FBXL7: variants seen among roughly 807,000 people sequenced by gnomAD.
FBXL7 encodes the protein F-box/LRR-repeat protein 7.
A neutral mutation model predicts 38.3 loss-of-function variants in FBXL7; 12 were observed. That is an observed-to-expected ratio of 0.31 (90% CI 0.20 to 0.51). The LOEUF is 0.51. Among genes scored for constraint, FBXL7 ranks in the 20% least tolerant of loss-of-function variants. The pLI is 0.98. For missense variants in FBXL7, 567 were observed against 676.4 expected (o/e 0.84, Z 1.79); for synonymous variants, 297 against 300.9 (o/e 0.99, Z 0.13).
intron 2 of FBXL7, among the ~76,000 whole-genome samples, chr5:15,722,330 C>T (rs953703608): frequency 7.2e-5 from 11 of 152,200 alleles, no homozygotes; most frequent in Admixed American, 2.0e-4. Context: ...CATTCCTATC[C>T]GGCCACCTAT....
At chr5:15,675,715 A>G (rs11956557) in intron 2 of FBXL7, among the ~76,000 whole-genome samples, 38,517 of 152,140 alleles carry the variant, frequency 0.25, 5,459 homozygotes, top group African/African-American at 0.38. Context: ...TGAGCAGTCT[A>G]TCATCTTACT....
At chr5:15,777,854 C>T (rs1427977320) in intron 2 of FBXL7, among the ~76,000 whole-genome samples, 2 of 150,376 alleles carry the variant, frequency 1.3e-5, no homozygotes, top group East Asian at 2.0e-4. Context: ...ACTAATTTAT[C>T]TTCTCTCTGG....
At chr5:15,569,563 C>G (rs1235552344) in intron 1 of FBXL7, among the ~76,000 whole-genome samples, 16 of 150,350 alleles carry the variant, frequency 1.1e-4, no homozygotes, top group African/African-American at 3.2e-4. Context: ...TCCTCTTTTC[C>G]TAATTGAATA....
chr5:15,933,512 C>G (rs1412518757), intron 3 of FBXL7, among the ~76,000 whole-genome samples: 2 of 152,184 alleles, frequency 1.3e-5, no homozygotes, highest in South Asian at 2.1e-4. Flanking sequence ...GGATTACAGT[C>G]AGCCTCAAGA....
intron 2 of FBXL7, among the ~76,000 whole-genome samples, chr5:15,879,459 T>A (rs1216696772): frequency 6.6e-6 from 1 of 152,158 alleles, no homozygotes; most frequent in East Asian, 1.9e-4. Flanking sequence ...AAACATTACC[T>A]TTGCTGCCCA....
At chr5:15,522,349 G>C (rs1224289776) in intron 1 of FBXL7, among the ~76,000 whole-genome samples, 1 of 152,136 alleles carries the variant, frequency 6.6e-6, no homozygotes, top group Non-Finnish European at 1.5e-5. Flanking sequence ...TGGGCAGTGT[G>C]CCCAGTTTGG....
rs551615284 is a variant in FBXL7, at chr5:15,556,235, C to T, written c.37+55522C>T. On this transcript the variant is annotated intron_variant, in intron 1 of 3. Transcript: ENST00000504595. Reference sequence around the variant, plus strand: ...GAGTTGGAGGCCCCGGAAAGCTGGCCGTGTAAGTCAAAGGCCTGAGAACCA... The same window carrying T: ...GAGTTGGAGGCCCCGGAAAGCTGGCTGTGTAAGTCAAAGGCCTGAGAACCA... 1.3e-4 allele frequency among the ~76,000 whole-genome samples: 20 copies of T among 152,040 alleles called. No individual in the cohort carries two copies. In the East Asian group the frequency reaches 3.3e-3, roughly 25 times the overall value.
At chr5:15,818,941 A>C (rs919737493) in intron 2 of FBXL7, among the ~76,000 whole-genome samples, 1 of 152,138 alleles carries the variant, frequency 6.6e-6, no homozygotes, top group Non-Finnish European at 1.5e-5. Flanking sequence ...CCTCTGAGCA[A>C]TGGCCACAAT....
chr5:15,861,905 T>A (rs1451077912), intron 2 of FBXL7, among the ~76,000 whole-genome samples: 2 of 152,220 alleles, frequency 1.3e-5, no homozygotes, highest in East Asian at 3.8e-4. Flanking sequence ...AATACATATT[T>A]TAATATATGA....
chr5:15,764,868 A>G (rs1248055289), intron 2 of FBXL7, among the ~76,000 whole-genome samples: 1 of 152,246 alleles, frequency 6.6e-6, no homozygotes, highest in Non-Finnish European at 1.5e-5. Context: ...CTTTTCCTCT[A>G]AAGGGCCAGA....
intron 2 of FBXL7, among the ~76,000 whole-genome samples, chr5:15,699,447 C>T (rs184219059): frequency 1.8e-4 from 28 of 152,312 alleles, no homozygotes; most frequent in African/African-American, 5.5e-4. Flanking sequence ...TGTGCTCCTT[C>T]TGTGTGCTCC....
chr5:15,777,720 TAAAAAAAAAAAAAAA>T (rs371293320), intron 2 of FBXL7, among the ~76,000 whole-genome samples: 1 of 82,506 alleles, frequency 1.2e-5, no homozygotes, highest in Non-Finnish European at 2.2e-5. Flanking sequence ...CCTATTCTGG[TAAAAAAAAAAAAAAA>T]AAAAAAAAAA....
chr5:15,768,578 C>G (rs1336728975), intron 2 of FBXL7, among the ~76,000 whole-genome samples: 1 of 151,544 alleles, frequency 6.6e-6, no homozygotes, highest in Non-Finnish European at 1.5e-5. Context: ...GATATACAAA[C>G]AGCCTTTCAA....
At chr5:15,506,266 T>C (rs1351916832) in intron 1 of FBXL7, among the ~76,000 whole-genome samples, 1 of 151,974 alleles carries the variant, frequency 6.6e-6, no homozygotes, top group Non-Finnish European at 1.5e-5. Flanking sequence ...CTGCAATCCC[T>C]CCACAGTCAA....
intron 2 of FBXL7, among the ~76,000 whole-genome samples, chr5:15,905,974 C>G (rs189113215): frequency 1.3e-5 from 2 of 151,792 alleles, no homozygotes; most frequent in Admixed American, 1.3e-4. Flanking sequence ...GAATACGCAA[C>G]ATCCTAGTAT....
chr5:15,605,600 A>G (rs1739979647), intron 1 of FBXL7, among the ~76,000 whole-genome samples: 1 of 152,148 alleles, frequency 6.6e-6, no homozygotes, highest in South Asian at 2.1e-4. Context: ...ATGAGGAGTT[A>G]TTATTTAATG....
intron 2 of FBXL7, among the ~76,000 whole-genome samples, chr5:15,841,472 G>T (rs1738744721): frequency 6.6e-6 from 1 of 152,046 alleles, no homozygotes; most frequent in Admixed American, 6.5e-5. Context: ...AATCCAGAAA[G>T]ATGTTCATTT....
At chr5:15,718,326 CA>C (rs2126649593) in intron 2 of FBXL7, among the ~76,000 whole-genome samples, 1 of 152,236 alleles carries the variant, frequency 6.6e-6, no homozygotes, top group Admixed American at 6.5e-5. Context: ...CGGCAAATTC[CA>C]AAGGGTATTT....
chr5:15,739,665 G>A (rs975428159), intron 2 of FBXL7, among the ~76,000 whole-genome samples: 5 of 152,018 alleles, frequency 3.3e-5, no homozygotes, highest in African/African-American at 1.2e-4. Flanking sequence ...GTTGTGAATG[G>A]GTTTCTTTAC....
Sources: gnomAD v4.1 joint callset for allele counts (sites outside exome capture counted in the v4.1 genomes callset) on GRCh38, gnomAD v4.1.1 for gene constraint, MANE v1.5 for transcripts, NCBI Gene and HGNC (gene_info 2026-07-23, HGNC 2026-07-21) for gene names.